The following UBR2 variants were observed in gnomAD, a reference collection of about 807,000 sequenced individuals.
UBR2 encodes E3 ubiquitin-protein ligase UBR2.
Under a neutral mutation model 247.9 loss-of-function variants are expected in UBR2, and 92 were observed. The observed-to-expected ratio is 0.37, with a 90% CI of 0.31 to 0.44. The LOEUF is 0.44. Ranked by LOEUF, UBR2 falls within the 20% of genes least tolerant of loss-of-function variation. The pLI, the probability that UBR2 is intolerant of heterozygous loss-of-function variation, is 1.00. For synonymous variants in UBR2, 672 were observed against 693.5 expected, an observed-to-expected ratio of 0.97 and a Z score of 0.49; for missense variants, 1,613 against 2,112.6, an observed-to-expected ratio of 0.76 and a Z score of 4.64.
chr6:42,678,638 A>G lies in UBR2; in HGVS notation c.4578A>G (p.Leu1526=). The change falls in exon 41 of 47, where the codon TTA becomes TTG. Residue 1526 remains leucine, a synonymous_variant. Coordinates refer to ENST00000372901, the MANE Select transcript of UBR2 (RefSeq NM_001363705.2). ...GTTCTGCTTTATTTTTTCATTACTT[A>G]AATGGAGTTCCTTCCCCACCCGACA... ...LKCSALFFHY[L]NGVPSPPDIQ... 1 of 1,612,212 alleles carries G rather than the reference A, an allele frequency of 6.2e-7. No individual in the cohort carries two copies. The highest frequency in any genetic ancestry group is 8.5e-7 in the Non-Finnish European group (1 of 1,179,226).
chr6:42,635,147 T>C (rs1404065191), intron 13 of UBR2, among the ~76,000 whole-genome samples: 2 of 152,206 alleles, frequency 1.3e-5, no homozygotes, highest in Non-Finnish European at 2.9e-5. Context: ...AGTGAAATAT[T>C]GAAGTATTTT....
intron 11 of UBR2, among the ~76,000 whole-genome samples, chr6:42,631,860 T>TTTTATATATATATATATA (rs1795734186): frequency 3.3e-5 from 2 of 61,506 alleles, no homozygotes; most frequent in African/African-American, 1.0e-4. Flanking sequence ...TACTCTGATT[T>TTTTATATATATATATATA]TATATATATA....
Position 42,683,122 on chromosome 6 carries a change from G to C in UBR2, c.4775+11G>C. ...AAGAGATGCTATAAGGTAAGTTAAA[G>C]AGCCTCAAAAACTTTATTGAGGTGG... On this transcript the variant is annotated intron_variant, in intron 43 of 46. Coordinates refer to ENST00000372901, the MANE Select transcript of UBR2 (RefSeq NM_001363705.2). 6.2e-7 allele frequency: 1 copy of C among 1,610,508 alleles called. No individual in the cohort carries two copies. The highest frequency in any genetic ancestry group is 8.5e-7 in the Non-Finnish European group (1 of 1,178,186).
chr6:42,612,162 CT>C lies in UBR2; in HGVS notation c.865-4del. 1 of 1,494,218 alleles carries C rather than the reference CT, an allele frequency of 6.7e-7. No individual in the cohort carries two copies. The highest frequency in any genetic ancestry group is 9.1e-7 in the Non-Finnish European group (1 of 1,102,804). 92.6% of individuals were successfully genotyped at this position (1,494,218 alleles called of 1,614,324 possible). On this transcript the variant is annotated splice_region_variant and splice_polypyrimidine_tract_variant and intron_variant, in intron 7 of 46. Coordinates refer to ENST00000372901, the MANE Select transcript of UBR2 (RefSeq NM_001363705.2). Reference sequence around the variant, plus strand: ...AGTTAATTTTTAAATCTTGCCATTTCTTTTTAAGAGAAATACCAGTAGACAG... The same window carrying C: ...AGTTAATTTTTAAATCTTGCCATTTCTTTTAAGAGAAATACCAGTAGACAG...
At chr6:42,681,196 G>C (rs1453840978) in intron 42 of UBR2, among the ~76,000 whole-genome samples, 1 of 150,498 alleles carries the variant, frequency 6.6e-6, no homozygotes, top group African/African-American at 2.4e-5. Flanking sequence ...AGACCAGCCT[G>C]GGTAACATGG....
Position 42,670,246 on chromosome 6 carries a change from A to G in UBR2, c.4030+6A>G. 1.2e-6 allele frequency: 2 copies of G among 1,612,588 alleles called. No individual in the cohort carries two copies. The highest frequency in any genetic ancestry group is 1.7e-6 in the Non-Finnish European group (2 of 1,178,806). On this transcript the variant is annotated splice_donor_region_variant and intron_variant, in intron 35 of 46. Transcript: ENST00000372901. ...GTACACCATCCAAAGCATAGGTAAGAGATTTACAGCTGTTTCTCTATAAGT... is the reference window on the plus strand; with the variant it reads ...GTACACCATCCAAAGCATAGGTAAGGGATTTACAGCTGTTTCTCTATAAGT...
chr6:42,665,625 T>C, intron 33 of UBR2, 113 bp downstream of exon 33: 1 of 807,694 alleles, frequency 1.2e-6, no homozygotes, highest in Non-Finnish European at 2.0e-6. Context: ...TTTTGACTCA[T>C]TCTAATTTTC....
intron 13 of UBR2, 45 bp downstream of exon 13, chr6:42,632,949 CTCT>C (rs1795841337): frequency 2.2e-6 from 2 of 907,774 alleles, no homozygotes; most frequent in African/African-American, 2.2e-5. Flanking sequence ...TTTTTTTTTT[CTCT>C]TTTCTCTTTT....
chr6:42,614,758 TGAA>T (rs796759639), intron 8 of UBR2, among the ~76,000 whole-genome samples: 7 of 151,882 alleles, frequency 4.6e-5, no homozygotes, highest in African/African-American at 1.7e-4. Flanking sequence ...CATAAGTGCT[TGAA>T]GAACAATATT....
intron 11 of UBR2, among the ~76,000 whole-genome samples, chr6:42,632,302 G>A (rs1795798530): frequency 1.3e-5 from 2 of 151,942 alleles, no homozygotes; most frequent in African/African-American, 2.4e-5. Flanking sequence ...TTATCTTTGA[G>A]TAATGAGCCT....
At chr6:42,642,393 A>G in intron 17 of UBR2, 23 bp from the exon 18 acceptor site, 1 of 1,526,978 alleles carries the variant, frequency 6.5e-7, no homozygotes, top group East Asian at 2.4e-5. Flanking sequence ...CTATTTACTC[A>G]ATATAATTAC....
intron 11 of UBR2, among the ~76,000 whole-genome samples, chr6:42,627,209 C>T (rs1795406934): frequency 1.3e-5 from 2 of 152,006 alleles, no homozygotes; most frequent in African/African-American, 4.8e-5. Context: ...TAGGTGGGGG[C>T]CATAAGACCA....
At chr6:42,666,769 A>G (rs570463160) in intron 34 of UBR2, among the ~76,000 whole-genome samples, 2 of 152,316 alleles carry the variant, frequency 1.3e-5, no homozygotes, top group South Asian at 4.1e-4. Flanking sequence ...ACCCAGGATT[A>G]AAACCAGAAT....
At chr6:42,636,862 G>A in intron 14 of UBR2, 149 bp from the exon 15 acceptor site, 1 of 718,836 alleles carries the variant, frequency 1.4e-6, no homozygotes, top group Non-Finnish European at 2.2e-6. Context: ...GAGGGACACT[G>A]GAAGAGGGAC....
chr6:42,664,379 C>T (rs1373117244), intron 32 of UBR2: 2 of 152,186 alleles, frequency 1.3e-5, no homozygotes, highest in African/African-American at 2.4e-5. Context: ...ATTGGACATA[C>T]TCATTTCGAG....
chr6:42,680,804 C>T (rs980769467), intron 42 of UBR2, among the ~76,000 whole-genome samples: 5 of 152,192 alleles, frequency 3.3e-5, no homozygotes, highest in Non-Finnish European at 7.3e-5. Flanking sequence ...CACAGTGGCT[C>T]ACCCCTGTAA....
Position 42,658,635 on chromosome 6 carries a change from C to T in UBR2, c.3064-11C>T, listed in dbSNP as rs1258790843. 1.9e-6 allele frequency: 3 copies of T among 1,587,948 alleles called. No homozygotes were observed. The highest frequency in any genetic ancestry group is 2.6e-6 in the Non-Finnish European group (3 of 1,171,704). On this transcript the variant is annotated splice_polypyrimidine_tract_variant and intron_variant, in intron 28 of 46. Coordinates refer to ENST00000372901, the MANE Select transcript of UBR2 (RefSeq NM_001363705.2). ...CATCTAATTGTCTAATTGAATGGAG[C>T]ATAATTTCAGAGTTCAAGGGACAAA... is the stretch of plus-strand genomic sequence containing the variant.
At chr6:42,630,225 C>G (rs1191692343) in intron 11 of UBR2, among the ~76,000 whole-genome samples, 1 of 150,882 alleles carries the variant, frequency 6.6e-6, no homozygotes, top group Non-Finnish European at 1.5e-5. Flanking sequence ...TGCTCTGTCG[C>G]CTAGGCTGGA....
At chr6:42,646,130 G>T (rs1582633703) in intron 21 of UBR2, among the ~76,000 whole-genome samples, 1 of 152,280 alleles carries the variant, frequency 6.6e-6, no homozygotes, top group African/African-American at 2.4e-5. Flanking sequence ...CCTTCCAGGG[G>T]TGATAAGTTC....
Sources: gnomAD v4.1 joint callset for allele counts (sites outside exome capture counted in the v4.1 genomes callset) on GRCh38, gnomAD v4.1.1 for gene constraint, MANE v1.5 for transcripts, NCBI Gene and HGNC (gene_info 2026-07-23, HGNC 2026-07-21) for gene names.